Variants in CTNNA2 observed in about 807,000 individuals in gnomAD.
CTNNA2 encodes catenin alpha-2.
A neutral mutation model predicts 101.0 loss-of-function variants in CTNNA2; 42 were observed. The ratio of observed to expected loss-of-function variants is 0.42; its 90% confidence interval spans 0.32 to 0.54. The LOEUF is 0.54. CTNNA2 is among the 20% of genes least tolerant of loss of function. The probability of loss-of-function intolerance (pLI) is 0.14; values close to 1 mark genes in which losing one functional copy is unlikely to be tolerated. For missense variants in CTNNA2, 871 were observed against 1,223.1 expected (o/e 0.71, Z 4.29); for synonymous variants, 450 against 456.4 (o/e 0.99, Z 0.18).
At chr2:79,591,599 T>C (rs926669826) in intron 1 of CTNNA2, among the ~76,000 whole-genome samples, 2 of 152,242 alleles carry the variant, frequency 1.3e-5, no homozygotes, top group East Asian at 1.9e-4. Context: ...AAATCATACA[T>C]AGAAAGAGCT....
At position 80,345,334 on chromosome 2, in the gene CTNNA2, G is replaced by A. The variant is rs372077758; in HGVS notation, c.1057-47877G>A. Among the ~76,000 whole-genome samples, 65 of 152,256 alleles carry A rather than the reference G, an allele frequency of 4.3e-4. No homozygotes were observed. The East Asian group carries it at 0.011, about 25-fold the overall frequency. On this transcript the variant is annotated intron_variant, in intron 7 of 18. Transcript: ENST00000402739. ...GCCATTTACATCTGCAGGTCCTTCT[G>A]TCTGGAAGGCCCTTGCCCCACTGAC...
intron 2 of CTNNA2, among the ~76,000 whole-genome samples, chr2:79,219,320 G>A (rs1186549719): frequency 6.6e-6 from 1 of 152,096 alleles, no homozygotes; most frequent in Non-Finnish European, 1.5e-5. Flanking sequence ...TTTTAAATGG[G>A]AAAACAATCT....
intron 7 of CTNNA2, chr2:80,299,742 C>G (rs1676072591): frequency 6.6e-6 from 1 of 152,156 alleles, no homozygotes; most frequent in South Asian, 2.1e-4. Context: ...AGGAGATAAA[C>G]TACAGTTTCC....
chr2:80,051,004 G>A (rs1336771123), intron 7 of CTNNA2, among the ~76,000 whole-genome samples: 1 of 152,152 alleles, frequency 6.6e-6, no homozygotes, highest in African/African-American at 2.4e-5. Flanking sequence ...AAGATTACAG[G>A]CGTGAGCCAT....
intron 7 of CTNNA2, among the ~76,000 whole-genome samples, chr2:80,074,530 T>TGG (rs1698555979): frequency 6.6e-6 from 1 of 152,120 alleles, no homozygotes; most frequent in African/African-American, 2.4e-5. Context: ...TATGCGTGTG[T>TGG]GGGGTGAAAT....
At chr2:79,341,470 GA>G (rs1338152907) in intron 3 of CTNNA2, among the ~76,000 whole-genome samples, 3 of 152,148 alleles carry the variant, frequency 2.0e-5, no homozygotes, top group Non-Finnish European at 4.4e-5. Context: ...GTGTTATGCA[GA>G]CCTGGGTTTA....
intron 4 of CTNNA2, among the ~76,000 whole-genome samples, chr2:79,388,112 A>C (rs1678125223): frequency 6.6e-6 from 1 of 152,214 alleles, no homozygotes; most frequent in African/African-American, 2.4e-5. Context: ...AATTGAGGAG[A>C]TATTTCTGCT....
intron 9 of CTNNA2, among the ~76,000 whole-genome samples, chr2:80,521,637 A>T (rs1275521758): frequency 6.6e-6 from 1 of 152,084 alleles, no homozygotes; most frequent in Non-Finnish European, 1.5e-5. Context: ...TTAGTCTTGG[A>T]GATAAAAAGG....
At chr2:79,949,042 C>T (rs1456416014) in intron 7 of CTNNA2, among the ~76,000 whole-genome samples, 1 of 151,938 alleles carries the variant, frequency 6.6e-6, no homozygotes, top group Non-Finnish European at 1.5e-5. Context: ...CTGATAATCC[C>T]TATCATATTG....
chr2:79,680,697 T>G (rs1031127982), intron 2 of CTNNA2, among the ~76,000 whole-genome samples: 1 of 152,208 alleles, frequency 6.6e-6, no homozygotes, highest in African/African-American at 2.4e-5. Flanking sequence ...ATCTTACTCT[T>G]AGGGCATTCT....
intron 2 of CTNNA2, among the ~76,000 whole-genome samples, chr2:79,300,217 T>C (rs1379402715): frequency 6.6e-6 from 1 of 152,100 alleles, no homozygotes; most frequent in East Asian, 1.9e-4. Flanking sequence ...CGGCAACCAG[T>C]GATGTTTTCC....
chr2:79,946,777 T>C (rs540360205), intron 7 of CTNNA2, among the ~76,000 whole-genome samples: 3 of 152,130 alleles, frequency 2.0e-5, no homozygotes, highest in Non-Finnish European at 4.4e-5. Context: ...TGGGAGCATA[T>C]AGTTGAAGTG....
chr2:80,032,867 T>A (rs997054183), intron 7 of CTNNA2, among the ~76,000 whole-genome samples: 1 of 151,998 alleles, frequency 6.6e-6, no homozygotes, highest in African/African-American at 2.4e-5. Context: ...TTGGACAAGA[T>A]AACGACCGGG....
At chr2:79,550,179 C>G (rs928381672) in intron 1 of CTNNA2, among the ~76,000 whole-genome samples, 2 of 152,152 alleles carry the variant, frequency 1.3e-5, no homozygotes, top group African/African-American at 2.4e-5. Flanking sequence ...CTGAATTTCC[C>G]CTTTCTGCAC....
At chr2:79,811,627 A>G (rs1459646387) in intron 3 of CTNNA2, among the ~76,000 whole-genome samples, 3 of 152,288 alleles carry the variant, frequency 2.0e-5, no homozygotes, top group South Asian at 2.1e-4. Flanking sequence ...TGATTATTGT[A>G]TCTTTATAAG....
At chr2:80,456,745 G>A (rs1378452088) in intron 9 of CTNNA2, among the ~76,000 whole-genome samples, 1 of 152,120 alleles carries the variant, frequency 6.6e-6, no homozygotes, top group African/African-American at 2.4e-5. Context: ...AAGCATAATA[G>A]ATACCTTATT....
In CTNNA2 at chr2:80,186,357, T is replaced by C. The variant is rs142274132; in HGVS notation, c.1057-206854T>C. ...TCTTGTTTGGATCTTTAATGGCCCA[T>C]GTGATTTGTCCTTCTCAGACAGATA... On this transcript the variant is annotated intron_variant, in intron 7 of 18. Coordinates refer to ENST00000402739, the MANE Select transcript of CTNNA2 (RefSeq NM_001282597.3). Among the ~76,000 whole-genome samples, 686 of 152,320 alleles carry C rather than the reference T, an allele frequency of 4.5e-3. 4 individuals are homozygous for C. The highest frequency in any genetic ancestry group is 0.016 in the African/African-American group (648 of 41,576).
At chr2:79,534,883 G>T (rs1672959752) in intron 1 of CTNNA2, among the ~76,000 whole-genome samples, 1 of 150,536 alleles carries the variant, frequency 6.6e-6, no homozygotes, top group Non-Finnish European at 1.5e-5. Context: ...TTTATAGCCA[G>T]TTAGTTGGTA....
chr2:80,250,018 C>T (rs144292418), intron 7 of CTNNA2, among the ~76,000 whole-genome samples: 30 of 151,958 alleles, frequency 2.0e-4, no homozygotes, highest in Non-Finnish European at 4.3e-4. Flanking sequence ...TGTTCCAGCC[C>T]CTCCTCCCAT....
Sources: gnomAD v4.1 joint callset for allele counts (sites outside exome capture counted in the v4.1 genomes callset) on GRCh38, gnomAD v4.1.1 for gene constraint, MANE v1.5 for transcripts, NCBI Gene and HGNC (gene_info 2026-07-23, HGNC 2026-07-21) for gene names.